CRLS1: variants seen among roughly 807,000 people sequenced by gnomAD.
The protein encoded by CRLS1 is cardiolipin synthase 1, also known as cardiolipin synthase (CMP-forming).
CRLS1 carries 24 observed loss-of-function variants against 37.0 expected under a neutral mutation model. The ratio of observed to expected loss-of-function variants is 0.65; its 90% CI spans 0.47 to 0.91. CRLS1 has a LOEUF of 0.91. Ranked by LOEUF, CRLS1 falls within the 40% of genes least tolerant of loss-of-function variation. The pLI, the probability that CRLS1 is intolerant of heterozygous loss-of-function variation, is 0.00. For missense variants in CRLS1, 373 were observed against 395.8 expected (o/e 0.94, Z 0.49); for synonymous variants, 135 against 159.7 (o/e 0.85, Z 1.17).
At chr20:6,027,856 T>C (rs1177372936) in intron 3 of CRLS1, among the ~76,000 whole-genome samples, 3 of 152,232 alleles carry the variant, frequency 2.0e-5, no homozygotes, top group Non-Finnish European at 4.4e-5. Flanking sequence ...TAGGGAACGC[T>C]TGGGGCGGGG....
In CRLS1 at chr20:6,006,802, G is replaced by A; in HGVS notation, c.306+250G>A. 5 of 985,392 alleles carry A rather than the reference G, an allele frequency of 5.1e-6. No homozygotes were observed. In the South Asian group the frequency reaches 2.3e-4, roughly 46 times the overall value. 61.0% of individuals were successfully genotyped at this position (985,392 alleles called of 1,614,324 possible). A position where few individuals can be genotyped will look rare whatever the true frequency, so the allele number is the denominator to read the frequency against. ...CCCCTTCTATCTGCACCCGTTGCTG[G>A]AAGGGCCGCCTCTGCATATTGCATT... On this transcript the variant is annotated intron_variant, in intron 1 of 6. Coordinates refer to ENST00000378863, the MANE Select transcript of CRLS1 (RefSeq NM_019095.6).
Position 6,006,435 on chromosome 20 carries a change from C to T in CRLS1, c.189C>T (p.Ile63=). Residue 63 remains isoleucine (I), a synonymous_variant, in exon 1 of 7, where the codon ATC becomes ATT. Coordinates refer to ENST00000378863, the MANE Select transcript of CRLS1 (RefSeq NM_019095.6). Reference sequence around the variant, plus strand: ...CTCTTGGCTTGCGGCTGCCCGGGATCGGCCAGCGGAACCACTGTTCGGGCG... The same window carrying T: ...CTCTTGGCTTGCGGCTGCCCGGGATTGGCCAGCGGAACCACTGTTCGGGCG... ...PAALGLRLPG[I]GQRNHCSGAG... 1 of 1,405,600 alleles carries T rather than the reference C, an allele frequency of 7.1e-7. No homozygotes were observed. The highest frequency in any genetic ancestry group is 9.3e-7 in the Non-Finnish European group (1 of 1,080,500). 87.1% of individuals were successfully genotyped at this position (1,405,600 alleles called of 1,614,324 possible).
rs570490021 is a variant in CRLS1 at position 6,011,255 on chromosome 20, G to A, written c.444+1343G>A. Among the ~76,000 whole-genome samples, 82 of 152,160 alleles carry A rather than the reference G, an allele frequency of 5.4e-4. 1 individual carries two copies. Among genetic ancestry groups the A allele is most frequent in the African/African-American group, 1.9e-3 (80 of 41,522 alleles). Reference sequence around the variant, plus strand: ...GCTCAATATTTATTGAGTGAGAATCGAGAGAAACTAGTTTTATATTAATAA... The same window carrying A: ...GCTCAATATTTATTGAGTGAGAATCAAGAGAAACTAGTTTTATATTAATAA... On this transcript the variant is annotated intron_variant, in intron 2 of 6. Coordinates refer to ENST00000378863, the MANE Select transcript of CRLS1 (RefSeq NM_019095.6).
At chr20:6,023,162 C>G (rs1261601192) in intron 3 of CRLS1, among the ~76,000 whole-genome samples, 1 of 152,174 alleles carries the variant, frequency 6.6e-6, no homozygotes, top group African/African-American at 2.4e-5. Context: ...TCCCCTTGAA[C>G]ATGAGTTGTT....
At chr20:6,006,580 C>T in intron 1 of CRLS1, 28 bp downstream of exon 1, 3 of 1,254,940 alleles carry the variant, frequency 2.4e-6, no homozygotes, top group African/African-American at 3.1e-5. Context: ...GGCGGCGGGC[C>T]GGCCCTGGGC....
Position 6,030,472 on chromosome 20 carries a change from C to A in CRLS1, c.575-813C>A, listed in dbSNP as rs146998412. 2.1e-4 allele frequency among the ~76,000 whole-genome samples: 32 copies of A among 152,242 alleles called. No homozygotes were observed. In the East Asian group the frequency reaches 5.4e-3, roughly 26 times the overall value. On this transcript the variant is annotated intron_variant, in intron 3 of 6. Transcript: ENST00000378863. The stretch of plus-strand genomic sequence containing the variant: ...GCACAATGGCTCATGCATGTAATCC[C>A]AGCATTTTGGGAGGCTGAGGCAGGT...
chr20:6,031,236 T>G (rs2423132), intron 3 of CRLS1, 49 bp from the exon 4 acceptor site: 29 of 1,243,106 alleles, frequency 2.3e-5, no homozygotes, highest in Non-Finnish European at 3.3e-5. Context: ...TAATGCATAT[T>G]AGTACTCTTC....
intron 3 of CRLS1, among the ~76,000 whole-genome samples, chr20:6,017,687 T>C (rs1978864545): frequency 6.6e-6 from 1 of 152,208 alleles, no homozygotes; most frequent in African/African-American, 2.4e-5. Flanking sequence ...ATCAGCAATT[T>C]TCCAGAGAAA....
chr20:6,006,351 G>C lies in CRLS1; in HGVS notation c.105G>C (p.Leu35=), dbSNP rs2090054075. The C allele has an allele frequency of 2.9e-6, 4 of 1,383,604 alleles. No homozygotes were observed. 85.7% of individuals were successfully genotyped at this position (1,383,604 alleles called of 1,614,324 possible). A position where few individuals can be genotyped will look rare whatever the true frequency, so the allele number is the denominator to read the frequency against. ...AGCGACGCGCCTGCTGGGCCCTGCTGCCGCCCGTGCCCTGCTGCTTGGGCT... is the reference window on the plus strand; with the variant it reads ...AGCGACGCGCCTGCTGGGCCCTGCTCCCGCCCGTGCCCTGCTGCTTGGGCT... ...PSKRRACWAL[L]PPVPCCLGCL... Residue 35 remains leucine, a synonymous_variant, in exon 1 of 7, where the codon CTG becomes CTC. Transcript: ENST00000378863.
Position 6,015,408 on chromosome 20 carries a change from G to C in CRLS1, c.492G>C (p.Leu164Phe). The C allele has an allele frequency of 1.9e-6, 3 of 1,610,898 alleles. No individual in the cohort carries two copies. The highest frequency in any genetic ancestry group is 2.5e-6 in the Non-Finnish European group (3 of 1,178,046). ...ARNWANQRSA[L>F]GSALDPLADK... is the part of the protein sequence containing the mutation. Reference sequence around the variant, plus strand: ...ACTGGGCCAATCAAAGATCAGCTTTGGGAAGTGCTCTTGATCCACTTGCTG... The same window carrying C: ...ACTGGGCCAATCAAAGATCAGCTTTCGGAAGTGCTCTTGATCCACTTGCTG... The change falls in exon 3 of 7, where the codon TTG (leucine) becomes TTC (phenylalanine). Residue 164 changes from leucine (L) to phenylalanine (F), a missense_variant. By Grantham distance (22) the Leu-to-Phe change is conservative. Transcript: ENST00000378863.
chr20:6,007,469 G>C (rs1430373648), intron 1 of CRLS1: 5 of 1,526,140 alleles, frequency 3.3e-6, no homozygotes, highest in Non-Finnish European at 3.6e-6. Context: ...AAACTTTTAC[G>C]GATTTAATGA....
chr20:6,033,370 A>C (rs936468143), intron 5 of CRLS1, among the ~76,000 whole-genome samples: 1 of 152,102 alleles, frequency 6.6e-6, no homozygotes, highest in East Asian at 1.9e-4. Flanking sequence ...TCCTGACCTC[A>C]GGTGATCCAC....
At position 6,009,889 on chromosome 20, in the gene CRLS1, G is replaced by C; in HGVS notation, c.421G>C (p.Ala141Pro). Residue 141 changes from alanine (A) to proline (P), a missense_variant, in exon 2 of 7, where the codon GCT becomes CCT. By Grantham distance (27) the Ala-to-Pro change is conservative (BLOSUM62 -1). Coordinates refer to ENST00000378863, the MANE Select transcript of CRLS1 (RefSeq NM_019095.6). ...TTTTAATATTGCACTAGGAGTTTTT[G>C]CTTTAGCTGGACTAACAGATTTGGT... ...EDFNIALGVF[A>P]LAGLTDLLDG... 1.9e-6 allele frequency: 3 copies of C among 1,613,654 alleles called. No individual in the cohort carries two copies. Among genetic ancestry groups the C allele is most frequent in the Non-Finnish European group, 2.5e-6 (3 of 1,179,806 alleles).
intron 5 of CRLS1, among the ~76,000 whole-genome samples, chr20:6,034,151 GA>G (rs996756063): frequency 6.6e-6 from 1 of 152,174 alleles, no homozygotes; most frequent in Non-Finnish European, 1.5e-5. Flanking sequence ...TGGGCAGTTG[GA>G]AAAAAGGCAA....
At chr20:6,036,979 A>G in intron 6 of CRLS1, 95 bp from the exon 7 acceptor site, 1 of 855,920 alleles carries the variant, frequency 1.2e-6, no homozygotes, top group Non-Finnish European at 1.8e-6. Flanking sequence ...ATTCATTTTT[A>G]CATTTTAAAT....
intron 2 of CRLS1, 27 bp from the exon 3 acceptor site, chr20:6,015,334 T>G: frequency 4.7e-6 from 7 of 1,476,882 alleles, no homozygotes; most frequent in Non-Finnish European, 6.5e-6. Context: ...GACATTTATA[T>G]ATATAAAAAA....
chr20:6,033,431 T>G (rs1980329344), intron 5 of CRLS1, among the ~76,000 whole-genome samples: 1 of 152,114 alleles, frequency 6.6e-6, no homozygotes, highest in Admixed American at 6.5e-5. Context: ...CCACTGCGCC[T>G]GGCTATTATT....
chr20:6,012,922 C>G (rs1000266968), intron 2 of CRLS1, among the ~76,000 whole-genome samples: 2 of 152,082 alleles, frequency 1.3e-5, no homozygotes, highest in African/African-American at 4.8e-5. Context: ...TCAGTTGTGT[C>G]GAGGTCAGGT....
chr20:6,020,449 C>T (rs557997805), intron 3 of CRLS1, among the ~76,000 whole-genome samples: 4 of 152,176 alleles, frequency 2.6e-5, no homozygotes, highest in African/African-American at 9.6e-5. Context: ...GTTACAATTT[C>T]AGTCATAATA....
Sources: gnomAD v4.1 joint callset for allele counts (sites outside exome capture counted in the v4.1 genomes callset) on GRCh38, gnomAD v4.1.1 for gene constraint, MANE v1.5 for transcripts, NCBI Gene and HGNC (gene_info 2026-07-23, HGNC 2026-07-21) for gene names.